SLC14A2: variants seen among roughly 807,000 people sequenced by gnomAD.
SLC14A2 encodes the protein solute carrier family 14 member 2, also known as urea transporter 2.
SLC14A2 carries 91 observed loss-of-function variants against 104.6 expected under a neutral mutation model. The ratio of observed to expected loss-of-function variants is 0.87; its 90% confidence interval spans 0.73 to 1.04. The LOEUF (loss-of-function observed/expected upper bound fraction) is 1.04. Ranked by LOEUF, SLC14A2 falls within the 50% of genes least tolerant of loss-of-function variation. The probability of loss-of-function intolerance (pLI) is 0.00; values close to 1 mark genes in which losing one functional copy is unlikely to be tolerated. For synonymous variants in SLC14A2, 476 were observed against 466.4 expected (o/e 1.02, Z -0.27); for missense variants, 1,189 against 1,156.0 (o/e 1.03, Z -0.41).
chr18:45,551,524 G>A (rs907381520), intron 2 of SLC14A2, among the ~76,000 whole-genome samples: 1 of 152,198 alleles, frequency 6.6e-6, no homozygotes, highest in Non-Finnish European at 1.5e-5. Flanking sequence ...TGTCTGGGCC[G>A]GCCCTCGATG....
chr18:45,455,195 C>T (rs2086921986), intron 1 of SLC14A2, among the ~76,000 whole-genome samples: 1 of 152,136 alleles, frequency 6.6e-6, no homozygotes. Context: ...CACATGTACA[C>T]ACATGTTTAT....
At chr18:45,672,785 T>G in intron 16 of SLC14A2, 115 bp from the exon 17 acceptor site, 1 of 873,660 alleles carries the variant, frequency 1.1e-6, no homozygotes, top group East Asian at 2.5e-5. Context: ...ACAAAAATCC[T>G]GGACATCCAT....
At chr18:45,500,474 G>A (rs1277209504) in intron 2 of SLC14A2, among the ~76,000 whole-genome samples, 1 of 151,882 alleles carries the variant, frequency 6.6e-6, no homozygotes, top group African/African-American at 2.4e-5. Context: ...CTACTCGGGA[G>A]GCTGAGGCAG....
intron 1 of SLC14A2, among the ~76,000 whole-genome samples, chr18:45,274,604 A>G (rs2084683594): frequency 1.3e-5 from 2 of 152,200 alleles, no homozygotes; most frequent in South Asian, 4.1e-4. Flanking sequence ...AGCTCTAACA[A>G]ATTCTTACTT....
chr18:45,648,227 A>ATTTTTTTTTTT (rs2045658412), intron 10 of SLC14A2, among the ~76,000 whole-genome samples: 1 of 88,988 alleles, frequency 1.1e-5, no homozygotes, highest in African/African-American at 5.1e-5. Context: ...TTTTTTTGAG[A>ATTTTTTTTTTT]TGGAGTCTCA....
chr18:45,676,787 T>C (rs992787465), intron 18 of SLC14A2, among the ~76,000 whole-genome samples: 113 of 152,028 alleles, frequency 7.4e-4, no homozygotes, highest in African/African-American at 2.6e-3. Flanking sequence ...GTGTGGATGA[T>C]ATTAATATCC....
At chr18:45,448,141 G>C (rs1272850022) in intron 1 of SLC14A2, among the ~76,000 whole-genome samples, 3 of 152,172 alleles carry the variant, frequency 2.0e-5, no homozygotes, top group Admixed American at 1.3e-4. Flanking sequence ...AGGCAAAAAG[G>C]GTGCCTTGGC....
chr18:45,390,092 C>A (rs2085943753), intron 1 of SLC14A2, among the ~76,000 whole-genome samples: 1 of 152,162 alleles, frequency 6.6e-6, no homozygotes, highest in Non-Finnish European at 1.5e-5. Context: ...AAAGGCTTTG[C>A]CATAGGCCCT....
intron 1 of SLC14A2, among the ~76,000 whole-genome samples, chr18:45,460,570 G>T (rs1234939546): frequency 6.6e-6 from 1 of 152,166 alleles, no homozygotes; most frequent in Non-Finnish European, 1.5e-5. Context: ...CCTTAATAAA[G>T]TTCACTCTAC....
intron 1 of SLC14A2, among the ~76,000 whole-genome samples, chr18:45,270,327 T>G (rs537863015): frequency 1.3e-5 from 2 of 152,200 alleles, no homozygotes; most frequent in Admixed American, 6.5e-5. Flanking sequence ...AGTTAAGATA[T>G]TCTCCTGGGA....
intron 2 of SLC14A2, among the ~76,000 whole-genome samples, chr18:45,576,068 C>A (rs1202086828): frequency 6.6e-6 from 1 of 152,130 alleles, no homozygotes; most frequent in Non-Finnish European, 1.5e-5. Flanking sequence ...AAAATGAAAT[C>A]TGCAGAACTG....
intron 2 of SLC14A2, among the ~76,000 whole-genome samples, chr18:45,500,601 T>G (rs1348206369): frequency 8.3e-6 from 1 of 120,678 alleles, no homozygotes; most frequent in African/African-American, 3.0e-5. Context: ...AAAAAAGAAA[T>G]CCTGCCCTTA....
intron 1 of SLC14A2, among the ~76,000 whole-genome samples, chr18:45,453,847 G>GTTTT (rs56084837): frequency 4.4e-5 from 4 of 91,342 alleles, no homozygotes; most frequent in Non-Finnish European, 8.3e-5. Flanking sequence ...TTTCTTTTCT[G>GTTTT]TTTTTTTTTT....
rs1177028883 is a variant in SLC14A2 at position 45,663,766 on chromosome 18, T to C, written c.1352-19T>C. ...GGACTAGGTGGGACACTGACCTGTC[T>C]TGTTTTGCCCCTGGCTAGGAGGCGG... On this transcript the variant is annotated intron_variant, in intron 10 of 19. Coordinates refer to ENST00000255226, the MANE Select transcript of SLC14A2 (RefSeq NM_007163.4). 1.9e-6 allele frequency: 3 copies of C among 1,610,320 alleles called. No individual in the cohort carries two copies. The highest frequency in any genetic ancestry group is 1.3e-5 in the African/African-American group (1 of 74,900).
the SLC14A2 span, among the ~76,000 whole-genome samples, chr18:45,183,055 T>C: frequency 6.6e-6 from 1 of 152,224 alleles, no homozygotes; most frequent in Non-Finnish European, 1.5e-5. Flanking sequence ...ATTAGAATTA[T>C]GAACAGTTAG....
At position 45,641,327 on chromosome 18, in the gene SLC14A2, G is replaced by T. The variant is rs779436146; in HGVS notation, c.1110G>T (p.Leu370=). 2 of 1,614,186 alleles carry T rather than the reference G, an allele frequency of 1.2e-6. No homozygotes were observed. The highest frequency in any genetic ancestry group is 1.7e-6 in the Non-Finnish European group (2 of 1,180,018). ...ATGCCCTCACCTGGCAGACTCACCT[G>T]CTGGCCCTCATCTGTGGTAGGTGTT... ...MFYALTWQTH[L]LALICALFCA... is the part of the protein sequence containing the mutation. Residue 370 remains leucine, a synonymous_variant, in exon 8 of 20, where the codon CTG becomes CTT. Transcript: ENST00000255226.
intron 1 of SLC14A2, among the ~76,000 whole-genome samples, chr18:45,353,231 C>G (rs1193350900): frequency 6.6e-6 from 1 of 152,198 alleles, no homozygotes; most frequent in Non-Finnish European, 1.5e-5. Context: ...TTTGCTTTAA[C>G]AGAGGGCGGA....
Position 45,421,031 on chromosome 18 carries a change from A to G in SLC14A2, c.-124-62202A>G, listed in dbSNP as rs146610133. 9.8e-3 allele frequency among the ~76,000 whole-genome samples: 1,495 copies of G among 152,024 alleles called. 16 individuals are homozygous for G. The highest frequency in any genetic ancestry group is 0.024 in the African/African-American group (998 of 41,480). On this transcript the variant is annotated intron_variant, in intron 1 of 20. Transcript: ENST00000586448. ...TGGGATTACAGACATGAGCCACCGCACCCGGCCTGATTTTTTCTTAAATAA... is the reference window on the plus strand; with the variant it reads ...TGGGATTACAGACATGAGCCACCGCGCCCGGCCTGATTTTTTCTTAAATAA...
intron 10 of SLC14A2, among the ~76,000 whole-genome samples, chr18:45,662,160 G>A (rs113273551): frequency 5.3e-5 from 8 of 152,280 alleles, no homozygotes; most frequent in South Asian, 2.1e-4. Flanking sequence ...AAAATTAGCC[G>A]GGTGTGATGG....
Sources: allele counts gnomAD v4.1 joint callset (sites outside exome capture counted in the v4.1 genomes callset), GRCh38; gene constraint gnomAD v4.1.1; transcripts MANE v1.5; gene names NCBI Gene and HGNC (gene_info 2026-07-23, HGNC 2026-07-21).